The following SLC1A6 variants were observed in gnomAD, a reference collection of about 807,000 sequenced individuals.
SLC1A6 encodes the protein solute carrier family 1 member 6, also known as excitatory amino acid transporter 4.
In SLC1A6, 15 loss-of-function variants were observed where a neutral mutation model predicts 42.1. The ratio of observed to expected loss-of-function variants is 0.36; its 90% CI spans 0.24 to 0.55. The LOEUF is 0.55. SLC1A6 is among the 20% of genes least tolerant of loss of function. The probability of loss-of-function intolerance (pLI) is 0.88; values close to 1 mark genes in which losing one functional copy is unlikely to be tolerated. For synonymous variants in SLC1A6, 317 were observed against 319.7 expected (o/e 0.99, Z 0.09); for missense variants, 542 against 772.5 (o/e 0.70, Z 3.54).
At chr19:14,987,200 G>A (rs1003151569) in intron 1 of SLC1A6, among the ~76,000 whole-genome samples, 1 of 152,108 alleles carries the variant, frequency 6.6e-6, no homozygotes, top group East Asian at 1.9e-4. Flanking sequence ...TGGATGCGGT[G>A]GCTCACACCT....
intron 4 of SLC1A6, among the ~76,000 whole-genome samples, chr19:14,967,266 G>A (rs957683087): frequency 2.0e-5 from 3 of 152,144 alleles, no homozygotes; most frequent in Admixed American, 2.0e-4. Flanking sequence ...CAGGCTGCGG[G>A]AGCCTGTCCC....
chr19:14,966,487 A>G (rs1434441599), intron 4 of SLC1A6, among the ~76,000 whole-genome samples: 1 of 152,210 alleles, frequency 6.6e-6, no homozygotes, highest in Non-Finnish European at 1.5e-5. Flanking sequence ...AATAAAAATA[A>G]AAACAATTAA....
At chr19:15,005,471 T>A (rs1342307051) in intron 1 of SLC1A6, among the ~76,000 whole-genome samples, 5 of 152,034 alleles carry the variant, frequency 3.3e-5, no homozygotes, top group Non-Finnish European at 7.4e-5. Context: ...ATCGCGCCAC[T>A]GCACTCCAGC....
chr19:14,953,255 C>T (rs2045430131), intron 8 of SLC1A6, among the ~76,000 whole-genome samples, 193 bp from the exon 9 acceptor site: 1 of 142,758 alleles, frequency 7.0e-6, no homozygotes, highest in Admixed American at 7.2e-5. Flanking sequence ...CCCCACCCAC[C>T]CCGCCCCTCC....
At chr19:14,957,462 A>G (rs529561747) in intron 6 of SLC1A6, among the ~76,000 whole-genome samples, 85 of 152,222 alleles carry the variant, frequency 5.6e-4, no homozygotes, top group African/African-American at 2.0e-3. Flanking sequence ...TGCCCATATA[A>G]AAGACACACC....
chr19:14,957,401 T>C (rs1306891662), intron 6 of SLC1A6, among the ~76,000 whole-genome samples: 1 of 152,156 alleles, frequency 6.6e-6, no homozygotes, highest in African/African-American at 2.4e-5. Context: ...AATGGGATAG[T>C]ATTGGGAGGT....
At chr19:14,992,395 C>T (rs1006502324) in intron 1 of SLC1A6, among the ~76,000 whole-genome samples, 2 of 152,066 alleles carry the variant, frequency 1.3e-5, no homozygotes, top group Admixed American at 6.6e-5. Context: ...CTCCCTTTTA[C>T]AGATAAGAAG....
chr19:14,964,232 C>T (rs767999164), intron 5 of SLC1A6, 87 bp downstream of exon 5: 27 of 1,116,888 alleles, frequency 2.4e-5, no homozygotes, highest in East Asian at 1.2e-4. Context: ...CCCTTCCTCC[C>T]GCCTCTTGCC....
At chr19:15,001,901 T>G (rs559255272) in intron 1 of SLC1A6, among the ~76,000 whole-genome samples, 1 of 152,212 alleles carries the variant, frequency 6.6e-6, no homozygotes, top group African/African-American at 2.4e-5. Flanking sequence ...GCTTAAGCAA[T>G]TCATCCGCCT....
At chr19:14,984,261 A>T (rs1242489095), upstream of SLC1A6, among the ~76,000 whole-genome samples, 1 of 152,190 alleles carries the variant, frequency 6.6e-6, no homozygotes, top group Admixed American at 6.5e-5. Flanking sequence ...GTGAGCTGAC[A>T]TCGCACCATT....
chr19:14,953,664 C>G (rs1186016097), intron 8 of SLC1A6, among the ~76,000 whole-genome samples: 1 of 152,042 alleles, frequency 6.6e-6, no homozygotes, highest in East Asian at 1.9e-4. Context: ...TAGCAAGACC[C>G]GATATGCCAT....
chr19:14,966,416 C>T (rs567315949), intron 4 of SLC1A6, among the ~76,000 whole-genome samples: 5 of 151,946 alleles, frequency 3.3e-5, no homozygotes, highest in African/African-American at 9.7e-5. Context: ...ACCCTGGAGG[C>T]GGAGGTTGCA....
At chr19:14,956,403 G>A (rs2045463479) in intron 7 of SLC1A6, 73 bp downstream of exon 7, 5 of 924,718 alleles carry the variant, frequency 5.4e-6, no homozygotes, top group Non-Finnish European at 8.1e-6. Flanking sequence ...GAGAGGGCAG[G>A]TGCCTTAGGA....
At chr19:14,971,157 T>C (rs2045635796) in intron 3 of SLC1A6, among the ~76,000 whole-genome samples, 1 of 152,134 alleles carries the variant, frequency 6.6e-6, no homozygotes, top group African/African-American at 2.4e-5. Flanking sequence ...CAGTTATATG[T>C]GGATTTTTTA....
At chr19:14,965,849 CAAAA>C (rs36065519) in intron 4 of SLC1A6, among the ~76,000 whole-genome samples, 3 of 129,010 alleles carry the variant, frequency 2.3e-5, no homozygotes, top group Admixed American at 1.6e-4. Context: ...GACTCTGTTT[CAAAA>C]AAAAAAAAAA....
At position 14,979,209 on chromosome 19, in the gene SLC1A6, C is replaced by G. The variant is rs2045746283; in HGVS notation, c.-8+100G>C. Reference sequence around the variant, plus strand: ...CCCTATAAATGCACAAGGCATCGGGCTCGGTGCTGGAAACGTGCCTGTGTG... The same window carrying G: ...CCCTATAAATGCACAAGGCATCGGGGTCGGTGCTGGAAACGTGCCTGTGTG... On this transcript the variant is annotated intron_variant, in intron 1 of 9. Coordinates refer to ENST00000594383, the MANE Select transcript of SLC1A6 (RefSeq NM_005071.3). The surrounding 1 kb of genome is among the most constrained non-coding windows in gnomAD (Gnocchi z 4.2). 6.6e-6 allele frequency: 1 copy of G among 152,236 alleles called. No individual in the cohort carries two copies. Among genetic ancestry groups the G allele is most frequent in the African/African-American group, 2.4e-5 (1 of 41,384 alleles). 9.4% of individuals were successfully genotyped at this position (152,236 alleles called of 1,614,324 possible). A position where few individuals can be genotyped will look rare whatever the true frequency, so the allele number is the denominator to read the frequency against.
At chr19:14,994,506 C>A (rs1469263996) in intron 1 of SLC1A6, among the ~76,000 whole-genome samples, 1 of 152,176 alleles carries the variant, frequency 6.6e-6, no homozygotes, top group East Asian at 1.9e-4. Flanking sequence ...TGACCCAACT[C>A]CCCTCAAACT....
intron 6 of SLC1A6, 136 bp from the exon 7 acceptor site, chr19:14,956,845 C>T: frequency 1.7e-6 from 1 of 594,930 alleles, no homozygotes. Context: ...CCTACTCCAT[C>T]CCAGTCTTCC....
At chr19:15,000,806 C>T (rs2045868729) in intron 1 of SLC1A6, among the ~76,000 whole-genome samples, 1 of 152,190 alleles carries the variant, frequency 6.6e-6, no homozygotes, top group Non-Finnish European at 1.5e-5. Context: ...TAGGATCCAA[C>T]CCACTCCAGT....
Sources: gnomAD v4.1 joint callset for allele counts (sites outside exome capture counted in the v4.1 genomes callset) on GRCh38, gnomAD v4.1.1 for gene constraint, Gnocchi (gnomAD v3.1) non-coding constraint, MANE v1.5 for transcripts, NCBI Gene and HGNC (gene_info 2026-07-23, HGNC 2026-07-21) for gene names.